The following NDUFAF4 variants were observed in gnomAD, a reference collection of about 807,000 sequenced individuals.
NDUFAF4 encodes NADH dehydrogenase [ubiquinone] 1 alpha subcomplex assembly factor 4.
Under a neutral mutation model 15.6 loss-of-function variants are expected in NDUFAF4, and 10 were observed. That is an observed-to-expected ratio of 0.64 (90% confidence interval 0.40 to 1.09). NDUFAF4 has a LOEUF of 1.09. Among genes scored for constraint, NDUFAF4 ranks in the 50% least tolerant of loss-of-function variants. The pLI, the probability that NDUFAF4 is intolerant of heterozygous loss-of-function variation, is 0.01. For synonymous variants in NDUFAF4, 77 were observed against 73.3 expected (o/e 1.05, Z -0.26); for missense variants, 203 against 207.3 (o/e 0.98, Z 0.13).
rs1456936700 is a variant in NDUFAF4, at chr6:96,897,863, T to C, written c.-62A>G. 1.2e-6 allele frequency: 2 copies of C among 1,608,294 alleles called. No individual in the cohort carries two copies. Among genetic ancestry groups the C allele is most frequent in the African/African-American group, 1.3e-5 (1 of 74,852 alleles). On this transcript the variant is annotated 5_prime_UTR_variant, in exon 1 of 3. Transcript: ENST00000316149. ...CGTGGGAACACCGGCGCAGGACAAC[T>C]CCGGGACACCCGGAGCATGCGCACA...
chr6:96,897,259 T>C (rs1019032955), intron 1 of NDUFAF4, among the ~76,000 whole-genome samples: 5 of 152,160 alleles, frequency 3.3e-5, no homozygotes, highest in Admixed American at 6.5e-5. Flanking sequence ...ATAAACATAA[T>C]CATTTGGACT....
At chr6:96,891,706 G>A (rs147432462) in intron 2 of NDUFAF4, among the ~76,000 whole-genome samples, 130 of 151,938 alleles carry the variant, frequency 8.6e-4, no homozygotes, top group Admixed American at 3.3e-3. Flanking sequence ...AATATAAGCC[G>A]TGCCTGCTTC....
At chr6:96,895,558 T>C (rs1288149118) in intron 2 of NDUFAF4, among the ~76,000 whole-genome samples, 4 of 152,234 alleles carry the variant, frequency 2.6e-5, no homozygotes, top group African/African-American at 7.2e-5. Flanking sequence ...ATTATATGTA[T>C]AACTGAGTCT....
chr6:96,896,395 G>GAAA (rs747722489), intron 2 of NDUFAF4, among the ~76,000 whole-genome samples: 3 of 152,134 alleles, frequency 2.0e-5, no homozygotes, highest in African/African-American at 7.2e-5. Flanking sequence ...TCAATCCACA[G>GAAA]AAGAATGAGA....
rs1285834801 is a variant in NDUFAF4 at position 96,897,648 on chromosome 6, C to G, written c.136+18G>C. On this transcript the variant is annotated intron_variant, in intron 1 of 2. Coordinates refer to ENST00000316149, the MANE Select transcript of NDUFAF4 (RefSeq NM_014165.4). ...GACTCCGCGCCCCCGGGCCCCGAAA[C>G]GCCCTCGCACCACTCACGACTAATC... The G allele has an allele frequency of 1.9e-6, 3 of 1,613,286 alleles. No individual in the cohort carries two copies. Among genetic ancestry groups the G allele is most frequent in the Non-Finnish European group, 2.5e-6 (3 of 1,179,790 alleles).
At chr6:96,891,808 A>G (rs1775320072) in intron 2 of NDUFAF4, among the ~76,000 whole-genome samples, 1 of 152,030 alleles carries the variant, frequency 6.6e-6, no homozygotes, top group South Asian at 2.1e-4. Flanking sequence ...TGAGCCAATT[A>G]AACATCTTTT....
At chr6:96,893,862 G>A (rs969340230) in intron 2 of NDUFAF4, among the ~76,000 whole-genome samples, 3 of 152,094 alleles carry the variant, frequency 2.0e-5, no homozygotes, top group Admixed American at 6.6e-5. Flanking sequence ...GTGGAAGGAA[G>A]GAACAGATGA....
chr6:96,891,389 T>C lies in NDUFAF4; in HGVS notation c.243A>G (p.Val81=), dbSNP rs754615081. ...DSKDPVSSLQ[V]KAAETCQEPK... is the part of the protein sequence containing the mutation. ...GCTCTTGACATGTTTCAGCAGCTTTTACCTAGTATCAAAAAAAAAAGGTTT... is the reference window on the plus strand; with the variant it reads ...GCTCTTGACATGTTTCAGCAGCTTTCACCTAGTATCAAAAAAAAAAGGTTT... The change falls in exon 3 of 3, where the codon GTA becomes GTG. Residue 81 remains valine (V), a splice_region_variant and synonymous_variant. Coordinates refer to ENST00000316149, the MANE Select transcript of NDUFAF4 (RefSeq NM_014165.4). The C allele has an allele frequency of 1.9e-6, 3 of 1,549,042 alleles. No homozygotes were observed. The highest frequency in any genetic ancestry group is 4.7e-5 in the East Asian group (2 of 42,286).
At chr6:96,893,839 C>G (rs7755846) in intron 2 of NDUFAF4, among the ~76,000 whole-genome samples, 1 of 152,060 alleles carries the variant, frequency 6.6e-6, no homozygotes, top group Non-Finnish European at 1.5e-5. Flanking sequence ...TGCTGAAACA[C>G]TTGAGACATC....
intron 1 of NDUFAF4, among the ~76,000 whole-genome samples, chr6:96,897,444 G>A (rs1775397741): frequency 6.6e-6 from 1 of 152,200 alleles, no homozygotes; most frequent in African/African-American, 2.4e-5. Context: ...TGCTGCCTCT[G>A]GGTCTCGGAA....
chr6:96,893,104 C>G (rs545838428), intron 2 of NDUFAF4, among the ~76,000 whole-genome samples: 1 of 152,092 alleles, frequency 6.6e-6, no homozygotes, highest in Admixed American at 6.5e-5. Flanking sequence ...CCTCCCTCTC[C>G]CTTACTCATT....
chr6:96,890,965 G>C lies in NDUFAF4; in HGVS notation c.*139C>G. On this transcript the variant is annotated 3_prime_UTR_variant, in exon 3 of 3. Transcript: ENST00000316149. The stretch of plus-strand genomic sequence containing the variant: ...TATGGCAATCTTGAAAAGTCAGGGA[G>C]CTCAATAAATATTAAGAGTATGCCC... 1.3e-6 allele frequency: 1 copy of C among 768,142 alleles called. No homozygotes were observed. The highest frequency in any genetic ancestry group is 2.1e-6 in the Non-Finnish European group (1 of 485,206). 47.6% of individuals were successfully genotyped at this position (768,142 alleles called of 1,614,324 possible). A position where few individuals can be genotyped will look rare whatever the true frequency, so the allele number is the denominator to read the frequency against.
At chr6:96,894,219 A>G (rs1386675917) in intron 2 of NDUFAF4, among the ~76,000 whole-genome samples, 1 of 152,190 alleles carries the variant, frequency 6.6e-6, no homozygotes, top group Non-Finnish European at 1.5e-5. Flanking sequence ...CATCCTGTCT[A>G]GGATGTGAAT....
intron 2 of NDUFAF4, among the ~76,000 whole-genome samples, chr6:96,895,768 C>G (rs1399767179): frequency 6.6e-6 from 1 of 151,924 alleles, no homozygotes; most frequent in Non-Finnish European, 1.5e-5. Flanking sequence ...CTATGTGCAG[C>G]GATTAACAAA....
intron 2 of NDUFAF4, 73 bp from the exon 3 acceptor site, chr6:96,891,464 C>T (rs966137957): frequency 1.6e-5 from 22 of 1,373,812 alleles, no homozygotes; most frequent in Non-Finnish European, 2.2e-5. Flanking sequence ...CTCAAATCTA[C>T]ACTATTCCTC....
chr6:96,896,683 C>T, intron 2 of NDUFAF4, 61 bp downstream of exon 2: 1 of 1,326,964 alleles, frequency 7.5e-7, no homozygotes, highest in Non-Finnish European at 1.1e-6. Context: ...CACACTTAAT[C>T]ATTTTCCTGA....
chr6:96,895,316 G>C (rs1775358369), intron 2 of NDUFAF4, among the ~76,000 whole-genome samples: 1 of 151,992 alleles, frequency 6.6e-6, no homozygotes, highest in Non-Finnish European at 1.5e-5. Flanking sequence ...ACAGAATTTT[G>C]AATAAATATG....
chr6:96,890,881 T>C lies in NDUFAF4; in HGVS notation c.*223A>G. 4.1e-6 allele frequency: 2 copies of C among 487,424 alleles called. No individual in the cohort carries two copies. The highest frequency in any genetic ancestry group is 3.7e-6 in the Non-Finnish European group (1 of 271,292). The allele number at this position is 487,424 out of a possible 1,614,324, so 30.2% of individuals were successfully genotyped here. ...ATAAAGGTACAGATGTGCTCAGTCATGCTGACATGCACTTATGAAATATGC... is the reference window on the plus strand; with the variant it reads ...ATAAAGGTACAGATGTGCTCAGTCACGCTGACATGCACTTATGAAATATGC... On this transcript the variant is annotated 3_prime_UTR_variant, in exon 3 of 3. Coordinates refer to ENST00000316149, the MANE Select transcript of NDUFAF4 (RefSeq NM_014165.4).
chr6:96,897,727 C>T lies in NDUFAF4; in HGVS notation c.75G>A (p.Met25Ile). The stretch of plus-strand genomic sequence containing the variant: ...GGTGTCTGGGAGCGACAGAGGGCTT[C>T]ATCTTGCTGATTTCCCGTTCCGCTC... ...ENRAEREISK[M>I]KPSVAPRHPS... Residue 25 changes from methionine (M) to isoleucine (I), a missense_variant, in exon 1 of 3, where the codon ATG (methionine) becomes ATA (isoleucine). By Grantham distance (10) the Met-to-Ile change is conservative. Transcript: ENST00000316149. 6.2e-7 allele frequency: 1 copy of T among 1,614,214 alleles called. No individual in the cohort carries two copies. The highest frequency in any genetic ancestry group is 8.5e-7 in the Non-Finnish European group (1 of 1,180,014).
Sources: allele counts gnomAD v4.1 joint callset (sites outside exome capture counted in the v4.1 genomes callset), GRCh38; gene constraint gnomAD v4.1.1; transcripts MANE v1.5; gene names NCBI Gene and HGNC (gene_info 2026-07-23, HGNC 2026-07-21).